The following TRNT1 variants were observed in gnomAD, a reference collection of about 807,000 sequenced individuals.
The protein encoded by TRNT1 is CCA tRNA nucleotidyltransferase 1, mitochondrial.
A neutral mutation model predicts 45.6 loss-of-function variants in TRNT1; 44 were observed. The observed-to-expected ratio is 0.97, with a 90% CI of 0.76 to 1.24. TRNT1 has a LOEUF of 1.24. Among genes scored for constraint, TRNT1 ranks in the 50% most tolerant of loss-of-function variants. The probability of loss-of-function intolerance (pLI) is 0.00; values close to 1 mark genes in which losing one functional copy is unlikely to be tolerated. For synonymous variants in TRNT1, 201 were observed against 171.4 expected (o/e 1.17, Z -1.35); for missense variants, 633 against 504.4 (o/e 1.25, Z -2.44).
At chr3:3,134,041 G>T (rs1166818843) in intron 2 of TRNT1, among the ~76,000 whole-genome samples, 2 of 152,150 alleles carry the variant, frequency 1.3e-5, no homozygotes, top group Non-Finnish European at 2.9e-5. Flanking sequence ...ACTATCAGAG[G>T]TGGCATTTGG....
chr3:3,131,260 C>CT (rs1280366775), intron 2 of TRNT1: 1 of 152,068 alleles, frequency 6.6e-6, no homozygotes, highest in African/African-American at 2.4e-5. Context: ...TGAGTTGAAG[C>CT]TTTTTTCTTT....
At chr3:3,133,728 G>A (rs897651260) in intron 2 of TRNT1, among the ~76,000 whole-genome samples, 6 of 152,046 alleles carry the variant, frequency 3.9e-5, no homozygotes, top group African/African-American at 1.4e-4. Context: ...ACGTCAGAAG[G>A]CCATCATGTT....
In TRNT1 at chr3:3,148,211, C is replaced by T. The variant is rs1706197768; in HGVS notation, c.*57C>T. On this transcript the variant is annotated 3_prime_UTR_variant, in exon 8 of 8. Transcript: ENST00000251607. Reference sequence around the variant, plus strand: ...TGGTAAGACTAAATTTTCTCCCCTCCCTCTTAATGAGGTTTTAGAGACTAC... The same window carrying T: ...TGGTAAGACTAAATTTTCTCCCCTCTCTCTTAATGAGGTTTTAGAGACTAC... The T allele has an allele frequency of 1.3e-6, 2 of 1,575,062 alleles. No individual in the cohort carries two copies. Among genetic ancestry groups the T allele is most frequent in the Non-Finnish European group, 1.7e-6 (2 of 1,162,260 alleles).
At chr3:3,142,864 ATTTTC>A (rs1282730753) in intron 4 of TRNT1, among the ~76,000 whole-genome samples, 10 of 151,858 alleles carry the variant, frequency 6.6e-5, no homozygotes, top group South Asian at 2.1e-4. Flanking sequence ...TCTTTTTATC[ATTTTC>A]TTTTATGTCT....
intron 2 of TRNT1, 166 bp downstream of exon 2, chr3:3,129,354 C>T: frequency 7.9e-6 from 5 of 630,336 alleles, no homozygotes; most frequent in Non-Finnish European, 1.3e-5. Flanking sequence ...GGTCTCAAAA[C>T]TCCTGGGCTC....
intron 2 of TRNT1, 89 bp from the exon 3 acceptor site, chr3:3,137,171 A>G: frequency 9.4e-7 from 1 of 1,058,862 alleles, no homozygotes; most frequent in Non-Finnish European, 1.3e-6. Context: ...TGTTCCAACT[A>G]GATGGAAAAG....
intron 3 of TRNT1, among the ~76,000 whole-genome samples, chr3:3,140,294 A>AT (rs762767802): frequency 7.1e-5 from 4 of 56,682 alleles, no homozygotes; most frequent in Non-Finnish European, 1.7e-4. Flanking sequence ...ATCATGATGG[A>AT]TTTTTTTTAA....
intron 4 of TRNT1, 43 bp downstream of exon 4, chr3:3,140,691 G>C: frequency 6.3e-7 from 1 of 1,587,104 alleles, no homozygotes. Flanking sequence ...CTATCAGAAT[G>C]CCTTCTTTTC....
At position 3,140,598 on chromosome 3, in the gene TRNT1, G is replaced by T; in HGVS notation, c.431G>T (p.Trp144Leu). Residue 144 changes from tryptophan (W) to leucine (L), a missense_variant, in exon 4 of 8, where the codon TGG becomes TTG. Physicochemically the swap from Trp to Leu is moderately conservative, Grantham distance 61 (BLOSUM62 -2). Coordinates refer to ENST00000251607, the MANE Select transcript of TRNT1 (RefSeq NM_182916.3). ...RHAEVEFTTDWQKDAERRDLT... is the reference protein window; with the variant it reads ...RHAEVEFTTDLQKDAERRDLT... ...GCTGAGGTAGAATTTACAACTGACT[G>T]GCAGAAAGATGCGGAACGCAGAGAT... 1 of 1,614,076 alleles carries T rather than the reference G, an allele frequency of 6.2e-7. No individual in the cohort carries two copies. The highest frequency in any genetic ancestry group is 1.1e-5 in the South Asian group (1 of 91,086).
At chr3:3,153,243 T>C, downstream of TRNT1, 2 of 560,594 alleles carry the variant, frequency 3.6e-6, no homozygotes, top group Non-Finnish European at 6.5e-6. Flanking sequence ...TGACATGCAT[T>C]GTTGCTCTGA....
intron 2 of TRNT1, chr3:3,129,868 G>C: frequency 6.4e-7 from 1 of 1,550,554 alleles, no homozygotes; most frequent in Non-Finnish European, 8.7e-7. Flanking sequence ...AACTTACGCA[G>C]ATTGATTTCA....
intron 4 of TRNT1, 84 bp from the exon 5 acceptor site, chr3:3,144,498 TTG>T: frequency 7.6e-7 from 1 of 1,309,432 alleles, no homozygotes; most frequent in Non-Finnish European, 1.1e-6. Flanking sequence ...TTTTTACTGT[TTG>T]TGATAGTGTT....
chr3:3,146,313 T>C (rs1392556495), intron 5 of TRNT1, 117 bp from the exon 6 acceptor site: 3 of 682,292 alleles, frequency 4.4e-6, no homozygotes. Flanking sequence ...ACCTAACTAA[T>C]TATATGTTGT....
In TRNT1 at chr3:3,146,457, T is replaced by A; in HGVS notation, c.636T>A (p.Pro212=). The change falls in exon 6 of 8, where the codon CCT becomes CCA. Residue 212 remains proline (P), a synonymous_variant. Coordinates refer to ENST00000251607, the MANE Select transcript of TRNT1 (RefSeq NM_182916.3). ...FRFYGRIVDK[P]GDHDPETLEA... ...TTTATGGGAGAATTGTAGACAAACC[T>A]GGTGACCATGATCCTGAGACTTTGG... 6.2e-7 allele frequency: 1 copy of A among 1,613,266 alleles called. No homozygotes were observed. The highest frequency in any genetic ancestry group is 8.5e-7 in the Non-Finnish European group (1 of 1,179,742).
At chr3:3,152,383 T>C (rs913781515), downstream of TRNT1, 11 of 1,475,176 alleles carry the variant, frequency 7.5e-6, no homozygotes, top group South Asian at 4.8e-5. Context: ...GCAACTCTGC[T>C]TAGGACTCTG....
intron 2 of TRNT1, among the ~76,000 whole-genome samples, chr3:3,136,519 G>C (rs1273814186): frequency 1.3e-5 from 2 of 152,142 alleles, no homozygotes; most frequent in Non-Finnish European, 2.9e-5. Flanking sequence ...ACTAATGTCT[G>C]ATAGTTTCAT....
intron 5 of TRNT1, 142 bp downstream of exon 5, chr3:3,144,852 TG>T (rs1214974207): frequency 1.4e-6 from 1 of 728,970 alleles, no homozygotes; most frequent in African/African-American, 1.8e-5. Flanking sequence ...TAGCACCCTA[TG>T]ACTTATGAGT....
chr3:3,147,369 C>T, intron 6 of TRNT1, 81 bp from the exon 7 acceptor site: 1 of 1,512,860 alleles, frequency 6.6e-7, no homozygotes, highest in South Asian at 1.3e-5. Context: ...TTTCTGGATA[C>T]TAAAATGGTG....
intron 2 of TRNT1, among the ~76,000 whole-genome samples, chr3:3,132,697 T>A (rs28665209): frequency 0.037 from 1,394 of 37,222 alleles, 36 homozygotes; most frequent in Admixed American, 0.15. Context: ...AAAAAAAAAT[T>A]AAAAAAATAA....
Sources: gnomAD v4.1 joint callset for allele counts (sites outside exome capture counted in the v4.1 genomes callset) on GRCh38, gnomAD v4.1.1 for gene constraint, MANE v1.5 for transcripts, NCBI Gene and HGNC (gene_info 2026-07-23, HGNC 2026-07-21) for gene names.